PTGER4: variants seen among roughly 807,000 people sequenced by gnomAD.
The protein encoded by PTGER4 is prostaglandin E receptor 4.
PTGER4 carries 11 observed loss-of-function variants against 33.2 expected under a neutral mutation model. That is an observed-to-expected ratio of 0.33 (90% CI 0.21 to 0.55). PTGER4 has a LOEUF of 0.55. PTGER4 is among the 20% of genes least tolerant of loss of function. The pLI, the probability that PTGER4 is intolerant of heterozygous loss-of-function variation, is 0.92. For synonymous variants in PTGER4, 275 were observed against 281.5 expected, an observed-to-expected ratio of 0.98 and a Z score of 0.23; for missense variants, 481 against 650.2, an observed-to-expected ratio of 0.74 and a Z score of 2.83.
chr5:40,700,128 A>G, the PTGER4 span, among the ~76,000 whole-genome samples: 1 of 152,378 alleles, frequency 6.6e-6, no homozygotes, highest in African/African-American at 2.4e-5. Flanking sequence ...ATACAAATCA[A>G]TTGTATTTCT....
At position 40,683,822 on chromosome 5, in the gene PTGER4, T is replaced by A. The variant is rs535674284; in HGVS notation, c.867+1962T>A. Reference sequence around the variant, plus strand: ...TTGAGGACCTAGAGGCAAGAAATTATAGGAGCTGTATTTGTGGTTTGCAGA... The same window carrying A: ...TTGAGGACCTAGAGGCAAGAAATTAAAGGAGCTGTATTTGTGGTTTGCAGA... On this transcript the variant is annotated intron_variant, in intron 2 of 2. Coordinates refer to ENST00000302472, the MANE Select transcript of PTGER4 (RefSeq NM_000958.3). This position sits in a 1 kb window ranked among gnomAD's most constrained non-coding sequence, Gnocchi z 4.2. Among the ~76,000 whole-genome samples, 247 of 152,324 alleles carry A rather than the reference T, an allele frequency of 1.6e-3. 1 individual carries two copies. Among genetic ancestry groups the A allele is most frequent in the Non-Finnish European group, 2.7e-3 (182 of 68,024 alleles).
At chr5:40,696,091 TA>T (rs534828746), downstream of PTGER4, among the ~76,000 whole-genome samples, 1 of 152,048 alleles carries the variant, frequency 6.6e-6, no homozygotes, top group South Asian at 2.1e-4. Flanking sequence ...AAATAAAAAA[TA>T]AAATGGTACT....
chr5:40,699,646 T>TCATCATGAGTAAGTGG, the PTGER4 span, among the ~76,000 whole-genome samples: 1 of 152,104 alleles, frequency 6.6e-6, no homozygotes, highest in African/African-American at 2.4e-5. Flanking sequence ...AAATGGATAA[T>TCATCATGAGTAAGTGG]CATCATGAGT....
the PTGER4 span, among the ~76,000 whole-genome samples, chr5:40,705,334 T>C: frequency 6.6e-6 from 1 of 152,138 alleles, no homozygotes; most frequent in African/African-American, 2.4e-5. Context: ...TCAAGAAGTA[T>C]TAAAGAGTTA....
At chr5:40,716,130 C>T in the PTGER4 span, 2 of 1,567,506 alleles carry the variant, frequency 1.3e-6, no homozygotes, top group Non-Finnish European at 8.7e-7. Flanking sequence ...TTCAAATAAT[C>T]CTATGCATAC....
the PTGER4 span, among the ~76,000 whole-genome samples, chr5:40,719,166 A>G: frequency 1.3e-5 from 2 of 152,156 alleles, no homozygotes; most frequent in Admixed American, 1.3e-4. Flanking sequence ...CAATTCTAGA[A>G]CATTTTTATC....
rs148610605 is a variant in PTGER4 at position 40,681,839 on chromosome 5, C to T, written c.846C>T (p.Leu282=). ...ILLIATSLVV[L]ICSIPLVVRV... ...TCATTGCCACCTCCCTGGTGGTGCT[C>T]ATCTGCTCCATCCCGCTCGTGGTGA... is the stretch of plus-strand genomic sequence containing the variant. The change falls in exon 2 of 3, where the codon CTC becomes CTT. Residue 282 remains leucine (L), a synonymous_variant. Coordinates refer to ENST00000302472, the MANE Select transcript of PTGER4 (RefSeq NM_000958.3). This position sits in a 1 kb window ranked among gnomAD's most constrained non-coding sequence, Gnocchi z 9.8. 144 of 1,551,676 alleles carry T rather than the reference C, an allele frequency of 9.3e-5. No individual in the cohort carries two copies. Among genetic ancestry groups the T allele is most frequent in the Non-Finnish European group, 1.2e-4 (136 of 1,153,376 alleles).
chr5:40,742,364 A>C, the PTGER4 span, among the ~76,000 whole-genome samples: 4 of 152,206 alleles, frequency 2.6e-5, no homozygotes, highest in African/African-American at 4.8e-5. Flanking sequence ...TATTTACTAC[A>C]TGACAGGCAA....
chr5:40,689,850 G>T (rs1379608425), intron 2 of PTGER4, among the ~76,000 whole-genome samples: 1 of 151,962 alleles, frequency 6.6e-6, no homozygotes, highest in Non-Finnish European at 1.5e-5. Context: ...ATTACTAAAG[G>T]CAAGAAATAA....
chr5:40,716,419 C>G, the PTGER4 span: 1 of 1,613,814 alleles, frequency 6.2e-7, no homozygotes, highest in Admixed American at 1.7e-5. Context: ...CTGGAGCGTT[C>G]TTGCCCAAGA....
intron 2 of PTGER4, among the ~76,000 whole-genome samples, chr5:40,685,673 G>A (rs1487019754): frequency 6.6e-6 from 1 of 152,164 alleles, no homozygotes; most frequent in Non-Finnish European, 1.5e-5. Flanking sequence ...TTTGAATCTT[G>A]AAAAGCTCTA....
the PTGER4 span, among the ~76,000 whole-genome samples, chr5:40,721,309 GAAGT>G: frequency 4.6e-5 from 7 of 152,232 alleles, no homozygotes; most frequent in East Asian, 1.2e-3. Flanking sequence ...ATCAATTTTA[GAAGT>G]AAGAACAAAA....
the PTGER4 span, among the ~76,000 whole-genome samples, chr5:40,706,571 G>C: frequency 1.3e-5 from 2 of 150,584 alleles, no homozygotes; most frequent in African/African-American, 2.4e-5. Context: ...AACATGAAAT[G>C]GATCATAGGC....
the PTGER4 span, among the ~76,000 whole-genome samples, chr5:40,705,116 C>T: frequency 6.6e-6 from 1 of 151,872 alleles, no homozygotes; most frequent in Non-Finnish European, 1.5e-5. Context: ...GGTGCTGGTA[C>T]AAAAACAGGC....
In PTGER4 at chr5:40,691,864, CT is replaced by C; in HGVS notation, c.955del (p.Ser319LeufsTer2). 1 of 1,614,248 alleles carries C rather than the reference CT, an allele frequency of 6.2e-7. No homozygotes were observed. The highest frequency in any genetic ancestry group is 1.1e-5 in the South Asian group (1 of 91,090). On this transcript the variant is annotated frameshift_variant, in exon 3 of 3. Transcript: ENST00000302472. LOFTEE classifies it high-confidence loss of function. This position sits in a 1 kb window ranked among gnomAD's most constrained non-coding sequence, Gnocchi z 4.2. ...KNPDLQAIRI[A>X]SVNPILDPWI... The stretch of plus-strand genomic sequence containing the variant: ...CCAGATTTGCAGGCCATCCGAATTG[CT>C]TCTGTGAACCCCATCCTAGACCCCT...
the PTGER4 span, among the ~76,000 whole-genome samples, chr5:40,742,691 AGAAG>A: frequency 6.6e-6 from 1 of 152,242 alleles, no homozygotes; most frequent in East Asian, 1.9e-4. Flanking sequence ...GATTAAAAAA[AGAAG>A]AAAAAGAATA....
rs777497676 is a variant in PTGER4, at chr5:40,692,386, G to A, written c.*8G>A. The A allele has an allele frequency of 1.3e-6, 2 of 1,571,900 alleles. No individual in the cohort carries two copies. Among genetic ancestry groups the A allele is most frequent in the African/African-American group, 2.7e-5 (2 of 73,554 alleles). On this transcript the variant is annotated 3_prime_UTR_variant, in exon 3 of 3. Coordinates refer to ENST00000302472, the MANE Select transcript of PTGER4 (RefSeq NM_000958.3). The stretch of plus-strand genomic sequence containing the variant: ...TCAGAAAAATGTATATAATAGGCAA[G>A]GAAAGAAATACAGTACTGTTTCTGG...
downstream of PTGER4, among the ~76,000 whole-genome samples, chr5:40,695,065 C>G (rs972407255): frequency 6.6e-6 from 1 of 150,956 alleles, no homozygotes; most frequent in Admixed American, 6.6e-5. Flanking sequence ...TTGAGACAAT[C>G]TAACCGATTA....
chr5:40,729,420 A>C, the PTGER4 span, among the ~76,000 whole-genome samples: 1 of 152,256 alleles, frequency 6.6e-6, no homozygotes, highest in Non-Finnish European at 1.5e-5. Flanking sequence ...TGGATAACCT[A>C]TTCAAGTGCT....
Sources: allele counts gnomAD v4.1 joint callset (sites outside exome capture counted in the v4.1 genomes callset), GRCh38; gene constraint gnomAD v4.1.1; non-coding constraint Gnocchi (gnomAD v3.1); transcripts MANE v1.5; gene names NCBI Gene and HGNC (gene_info 2026-07-23, HGNC 2026-07-21).